TNRC6A: variants seen among roughly 807,000 people sequenced by gnomAD.
TNRC6A encodes the protein trinucleotide repeat containing adaptor 6A, also known as trinucleotide repeat-containing gene 6A protein.
A neutral mutation model predicts 221.2 loss-of-function variants in TNRC6A; 44 were observed. That is an observed-to-expected ratio of 0.20 (90% CI 0.16 to 0.26). The LOEUF (loss-of-function observed/expected upper bound fraction) is 0.26. Among genes scored for constraint, TNRC6A ranks in the 10% least tolerant of loss-of-function variants. The pLI is 1.00. For synonymous variants in TNRC6A, 847 were observed against 838.5 expected, an observed-to-expected ratio of 1.01 and a Z score of -0.18; for missense variants, 2,199 against 2,404.4, an observed-to-expected ratio of 0.91 and a Z score of 1.79.
intron 2 of TNRC6A, among the ~76,000 whole-genome samples, chr16:24,680,070 G>A (rs2055500854): frequency 6.6e-6 from 1 of 152,166 alleles, no homozygotes. Flanking sequence ...CTGATAGCTA[G>A]TGATTTCCTG....
At chr16:24,749,397 G>T (rs1255426250) in intron 2 of TNRC6A, among the ~76,000 whole-genome samples, 1 of 152,194 alleles carries the variant, frequency 6.6e-6, no homozygotes, top group Admixed American at 6.5e-5. Flanking sequence ...TCAGACTCCT[G>T]TGGAAGGTTT....
intron 11 of TNRC6A, 63 bp downstream of exon 11, chr16:24,798,029 T>G (rs549268299): frequency 6.9e-7 from 1 of 1,459,826 alleles, no homozygotes; most frequent in East Asian, 2.3e-5. Context: ...ATGACATGAT[T>G]CTACTGAAAG....
chr16:24,779,606 C>G (rs1446929377), intron 5 of TNRC6A, among the ~76,000 whole-genome samples: 1 of 152,144 alleles, frequency 6.6e-6, no homozygotes, highest in Non-Finnish European at 1.5e-5. Flanking sequence ...TGTGCCCACA[C>G]ACTACTAACT....
At chr16:24,748,664 C>T (rs1025888891) in intron 2 of TNRC6A, among the ~76,000 whole-genome samples, 2 of 152,084 alleles carry the variant, frequency 1.3e-5, no homozygotes, top group African/African-American at 4.8e-5. Flanking sequence ...TGCATCTCCT[C>T]TCAGTCTGTT....
intron 2 of TNRC6A, among the ~76,000 whole-genome samples, chr16:24,696,728 C>CAAA (rs1251210834): frequency 4.4e-5 from 2 of 45,144 alleles, no homozygotes; most frequent in African/African-American, 1.1e-4. Flanking sequence ...GACCCTGTCT[C>CAAA]AAAAAAAAAA....
At chr16:24,735,851 A>T (rs1409923235) in intron 2 of TNRC6A, among the ~76,000 whole-genome samples, 1 of 152,174 alleles carries the variant, frequency 6.6e-6, no homozygotes, top group Non-Finnish European at 1.5e-5. Flanking sequence ...AAAAACAGAA[A>T]TCCCTATCTC....
chr16:24,720,224 G>T (rs1188084914), intron 2 of TNRC6A, among the ~76,000 whole-genome samples: 1 of 151,898 alleles, frequency 6.6e-6, no homozygotes, highest in East Asian at 1.9e-4. Context: ...ACATAACAAG[G>T]CCCTGTCTAC....
rs751089984 is a variant in TNRC6A at position 24,823,611 on chromosome 16, A to G, written c.5693A>G (p.Asn1898Ser). 6.8e-6 allele frequency: 11 copies of G among 1,613,868 alleles called. No individual in the cohort carries two copies. In the South Asian group the frequency reaches 1.1e-4, roughly 16 times the overall value. ...SHSFSSRTDL[N>S]HWNGAGLSGT... is the part of the protein sequence containing the mutation. ...TCATTCTCCAGCCGGACCGATCTCA[A>G]TCACTGGAATGGTGCTGGGCTGTCG... is the stretch of plus-strand genomic sequence containing the variant. Residue 1898 changes from asparagine to serine, a missense_variant, in exon 25 of 25, where the codon AAT becomes AGT. Asn to Ser is a conservative substitution (Grantham distance 46). Coordinates refer to ENST00000395799, the MANE Select transcript of TNRC6A (RefSeq NM_014494.4). The surrounding 1 kb of genome is among the most constrained non-coding windows in gnomAD (Gnocchi z 4.3).
chr16:24,689,943 G>A (rs2055717992), intron 2 of TNRC6A, among the ~76,000 whole-genome samples: 2 of 137,712 alleles, frequency 1.5e-5, no homozygotes, highest in South Asian at 2.4e-4. Flanking sequence ...TAGAGACTGG[G>A]TCTCATTATG....
chr16:24,668,784 A>G (rs2055228665), intron 2 of TNRC6A, among the ~76,000 whole-genome samples: 1 of 152,064 alleles, frequency 6.6e-6, no homozygotes, highest in Non-Finnish European at 1.5e-5. Flanking sequence ...TGAGAAAGTC[A>G]TTCTTCCTTT....
In TNRC6A at chr16:24,818,721, G is replaced by A. The variant is rs760331991; in HGVS notation, c.5080+21G>A. 22 of 1,591,414 alleles carry A rather than the reference G, an allele frequency of 1.4e-5. No individual in the cohort carries two copies. In the African/African-American group the frequency reaches 2.7e-4, roughly 19 times the overall value. On this transcript the variant is annotated intron_variant, in intron 21 of 24. Coordinates refer to ENST00000395799, the MANE Select transcript of TNRC6A (RefSeq NM_014494.4). ...TTCAGGTGGGCCTCGCCTTCGCTCA[G>A]GAAGGGAGGGTTGGTCACAGCCAGA...
chr16:24,712,834 G>A (rs2142321079), intron 2 of TNRC6A, among the ~76,000 whole-genome samples: 1 of 152,044 alleles, frequency 6.6e-6, no homozygotes, highest in East Asian at 1.9e-4. Flanking sequence ...GCTAACTGCA[G>A]CCTCAATCTC....
At chr16:24,686,759 G>A (rs2055634137) in intron 2 of TNRC6A, among the ~76,000 whole-genome samples, 1 of 152,132 alleles carries the variant, frequency 6.6e-6, no homozygotes, top group African/African-American at 2.4e-5. Context: ...GCCTCTGCAG[G>A]GGTGGTATGG....
intron 2 of TNRC6A, among the ~76,000 whole-genome samples, chr16:24,705,473 A>G (rs2056077873): frequency 6.6e-6 from 1 of 152,190 alleles, no homozygotes; most frequent in African/African-American, 2.4e-5. Flanking sequence ...CTGGGATTAC[A>G]GGCACATGCC....
chr16:24,640,615 G>T (rs532838109), intron 1 of TNRC6A, among the ~76,000 whole-genome samples: 1 of 151,552 alleles, frequency 6.6e-6, no homozygotes. Flanking sequence ...TTTGGTCCCA[G>T]CTACTTGGGA....
Position 24,794,692 on chromosome 16 carries a change from A to G in TNRC6A, c.3501A>G (p.Pro1167=). ...AGCTTAACTCATCTTTAAATTGGCC[A>G]CCATATACAAAGAAAATGTCATCGA... ...SQELNSSLNW[P]PYTKKMSSKG... The change falls in exon 8 of 25, where the codon CCA becomes CCG. Residue 1167 remains proline (P), a synonymous_variant. Coordinates refer to ENST00000395799, the MANE Select transcript of TNRC6A (RefSeq NM_014494.4). The G allele has an allele frequency of 6.2e-7, 1 of 1,612,140 alleles. No individual in the cohort carries two copies. Among genetic ancestry groups the G allele is most frequent in the Non-Finnish European group, 8.5e-7 (1 of 1,179,496 alleles).
chr16:24,640,853 A>G (rs1005275263), intron 1 of TNRC6A: 1 of 152,208 alleles, frequency 6.6e-6, no homozygotes, highest in African/African-American at 2.4e-5. Flanking sequence ...GTGGAGAATC[A>G]CTAATCTAAT....
chr16:24,736,922 A>G (rs1338472000), intron 2 of TNRC6A, among the ~76,000 whole-genome samples: 1 of 152,198 alleles, frequency 6.6e-6, no homozygotes, highest in Non-Finnish European at 1.5e-5. Context: ...TAGCTCCCTT[A>G]CTGTGGGACA....
At chr16:24,631,656 T>C (rs572096910) in intron 1 of TNRC6A, among the ~76,000 whole-genome samples, 1 of 152,004 alleles carries the variant, frequency 6.6e-6, no homozygotes, top group East Asian at 1.9e-4. Flanking sequence ...CCTGTAGTCC[T>C]AGCTGCTTGG....
Sources: allele counts gnomAD v4.1 joint callset (sites outside exome capture counted in the v4.1 genomes callset), GRCh38; gene constraint gnomAD v4.1.1; non-coding constraint Gnocchi (gnomAD v3.1); transcripts MANE v1.5; gene names NCBI Gene and HGNC (gene_info 2026-07-23, HGNC 2026-07-21).